The following CDC14A variants were observed in gnomAD, a reference collection of about 807,000 sequenced individuals.
CDC14A encodes cell division cycle 14A.
In CDC14A, 53 loss-of-function variants were observed where a neutral mutation model predicts 74.4. That is an observed-to-expected ratio of 0.71 (90% CI 0.57 to 0.89). The LOEUF (loss-of-function observed/expected upper bound fraction) is 0.89. Ranked by LOEUF, CDC14A falls within the 40% of genes least tolerant of loss-of-function variation. The pLI, the probability that CDC14A is intolerant of heterozygous loss-of-function variation, is 0.00. For synonymous variants in CDC14A, 247 were observed against 258.4 expected, an observed-to-expected ratio of 0.96 and a Z score of 0.43; for missense variants, 646 against 713.7, an observed-to-expected ratio of 0.91 and a Z score of 1.08.
intron 5 of CDC14A, among the ~76,000 whole-genome samples, chr1:100,434,142 C>A (rs1664041283): frequency 6.6e-6 from 1 of 152,146 alleles, no homozygotes; most frequent in Non-Finnish European, 1.5e-5. Context: ...CAAATTCTTC[C>A]TATGGTCATA....
At chr1:100,397,418 A>G (rs1263741440) in intron 4 of CDC14A, among the ~76,000 whole-genome samples, 1 of 152,236 alleles carries the variant, frequency 6.6e-6, no homozygotes, top group Non-Finnish European at 1.5e-5. Context: ...AGATCATTGT[A>G]GCATCTAAAA....
At chr1:100,505,959 G>C (rs1443226641) in intron 15 of CDC14A, among the ~76,000 whole-genome samples, 2 of 152,026 alleles carry the variant, frequency 1.3e-5, no homozygotes, top group Non-Finnish European at 2.9e-5. Context: ...GAGAAAGGGA[G>C]GATGTGCGAG....
chr1:100,420,063 C>T (rs1755582), intron 4 of CDC14A, among the ~76,000 whole-genome samples: 21,671 of 61,516 alleles, frequency 0.35, 6,048 homozygotes, highest in African/African-American at 0.68. Context: ...CACACACACA[C>T]ATATATATAT....
At chr1:100,433,016 T>G (rs1663895900) in intron 5 of CDC14A, among the ~76,000 whole-genome samples, 1 of 152,056 alleles carries the variant, frequency 6.6e-6, no homozygotes, top group Non-Finnish European at 1.5e-5. Context: ...GCCTTCTAGG[T>G]AGCTTGCTAC....
intron 4 of CDC14A, among the ~76,000 whole-genome samples, chr1:100,415,445 G>C (rs1412761981): frequency 1.3e-5 from 2 of 152,116 alleles, no homozygotes; most frequent in African/African-American, 4.8e-5. Context: ...AGTATTTTTA[G>C]GGTAGAAATA....
intron 5 of CDC14A, among the ~76,000 whole-genome samples, chr1:100,429,197 C>A (rs1310981917): frequency 8.6e-5 from 1 of 11,588 alleles, no homozygotes; most frequent in African/African-American, 5.7e-4. Context: ...GAACAAGACT[C>A]CATCTCAAAA....
chr1:100,434,730 C>A (rs2101109603), intron 5 of CDC14A, among the ~76,000 whole-genome samples: 1 of 152,166 alleles, frequency 6.6e-6, no homozygotes, highest in Non-Finnish European at 1.5e-5. Context: ...ATTATCGTTG[C>A]AGTTGTTTTT....
intron 8 of CDC14A, among the ~76,000 whole-genome samples, chr1:100,461,500 C>T (rs998580120): frequency 6.6e-5 from 10 of 152,252 alleles, no homozygotes; most frequent in East Asian, 1.9e-4. Context: ...GATAATTGCA[C>T]TCAGCTGGTA....
intron 9 of CDC14A, among the ~76,000 whole-genome samples, chr1:100,465,000 A>C (rs959747627): frequency 2.0e-5 from 3 of 149,688 alleles, no homozygotes; most frequent in Non-Finnish European, 3.0e-5. Context: ...ATCTCAGCTC[A>C]CTGCAGCCTC....
chr1:100,449,033 A>C lies in CDC14A; in HGVS notation c.519+6037A>C, dbSNP rs1665851477. ...GTGATACAAAATTTCTCACTGATCC[A>C]TGACAGGCTGAAATGTGGACTATTT... On this transcript the variant is annotated intron_variant, in intron 7 of 15. Coordinates refer to ENST00000336454, the MANE Select transcript of CDC14A (RefSeq NM_003672.4). Among the ~76,000 whole-genome samples the C allele has an allele frequency of 2.6e-5, 4 of 152,224 alleles. No individual in the cohort carries two copies. The South Asian group carries it at 8.3e-4, about 32-fold the overall frequency.
At chr1:100,422,205 T>A (rs1477447643) in intron 4 of CDC14A, among the ~76,000 whole-genome samples, 22 of 152,210 alleles carry the variant, frequency 1.4e-4, no homozygotes, top group Admixed American at 1.4e-3. Context: ...GCAGGTAAGA[T>A]GAGGAGCAAA....
chr1:100,386,205 A>G (rs972854353), intron 3 of CDC14A, among the ~76,000 whole-genome samples: 1 of 151,820 alleles, frequency 6.6e-6, no homozygotes, highest in African/African-American at 2.4e-5. Context: ...CAGTTTCAAG[A>G]TAGAAATCTA....
intron 11 of CDC14A, among the ~76,000 whole-genome samples, chr1:100,489,207 G>A (rs1394406396): frequency 6.6e-6 from 1 of 152,168 alleles, no homozygotes; most frequent in Non-Finnish European, 1.5e-5. Flanking sequence ...GAACTCTAGA[G>A]ATGACCCAGC....
intron 4 of CDC14A, among the ~76,000 whole-genome samples, chr1:100,421,849 C>T (rs1457923526): frequency 1.3e-5 from 2 of 152,080 alleles, no homozygotes; most frequent in Non-Finnish European, 2.9e-5. Flanking sequence ...CTGTCTCTCT[C>T]CTCTCTCTCT....
At chr1:100,516,525 A>C (rs1252803472) in intron 15 of CDC14A, among the ~76,000 whole-genome samples, 4 of 152,208 alleles carry the variant, frequency 2.6e-5, no homozygotes, top group Non-Finnish European at 5.9e-5. Context: ...TAAAAGTTAA[A>C]TATTCTCAAG....
chr1:100,356,184 C>T (rs1233682321), intron 2 of CDC14A, among the ~76,000 whole-genome samples: 1 of 152,120 alleles, frequency 6.6e-6, no homozygotes, highest in East Asian at 1.9e-4. Flanking sequence ...GGGTGAGAAA[C>T]CTGCAGTTTC....
rs200125089 is a variant in CDC14A, at chr1:100,518,244, T to C, written c.1756-7T>C. 6 of 1,610,368 alleles carry C rather than the reference T, an allele frequency of 3.7e-6. No individual in the cohort carries two copies. The highest frequency in any genetic ancestry group is 5.1e-6 in the Non-Finnish European group (6 of 1,177,042). ...TTTAACCTCAGTTTATGTCTCTCCC[T>C]GCACAGTCCCTTCAGTCTGAATATG... On this transcript the variant is annotated splice_polypyrimidine_tract_variant and splice_region_variant and intron_variant, in intron 15 of 15. Transcript: ENST00000336454.
At chr1:100,370,562 T>C (rs1346310484) in intron 2 of CDC14A, among the ~76,000 whole-genome samples, 1 of 152,196 alleles carries the variant, frequency 6.6e-6, no homozygotes, top group Non-Finnish European at 1.5e-5. Flanking sequence ...ATTTATTGAA[T>C]AGGAAGTCCT....
At chr1:100,433,103 C>G (rs1468547170) in intron 5 of CDC14A, among the ~76,000 whole-genome samples, 1 of 151,640 alleles carries the variant, frequency 6.6e-6, no homozygotes, top group Non-Finnish European at 1.5e-5. Flanking sequence ...TAGTCTCAAA[C>G]TACTGGGCTC....
Sources: allele counts gnomAD v4.1 joint callset (sites outside exome capture counted in the v4.1 genomes callset), GRCh38; gene constraint gnomAD v4.1.1; transcripts MANE v1.5; gene names NCBI Gene and HGNC (gene_info 2026-07-23, HGNC 2026-07-21).